SPOCK3: variants seen among roughly 807,000 people sequenced by gnomAD.
SPOCK3 encodes SPARC (osteonectin), cwcv and kazal like domains proteoglycan 3.
A neutral mutation model predicts 56.6 loss-of-function variants in SPOCK3; 30 were observed. The ratio of observed to expected loss-of-function variants is 0.53; its 90% CI spans 0.40 to 0.72. The LOEUF (loss-of-function observed/expected upper bound fraction) is 0.72, where lower values mean the gene tolerates loss of function less well. Among genes scored for constraint, SPOCK3 ranks in the 30% least tolerant of loss-of-function variants. The pLI is 0.00. For synonymous variants in SPOCK3, 196 were observed against 183.3 expected, an observed-to-expected ratio of 1.07 and a Z score of -0.56; for missense variants, 527 against 530.0, an observed-to-expected ratio of 0.99 and a Z score of 0.06.
intron 2 of SPOCK3, among the ~76,000 whole-genome samples, chr4:167,199,495 G>A (rs936107440): frequency 3.3e-5 from 5 of 151,816 alleles, no homozygotes; most frequent in African/African-American, 1.2e-4. Flanking sequence ...GAATTCTTAA[G>A]AGCCATTTTA....
chr4:166,787,245 G>T (rs1740824983), intron 7 of SPOCK3, among the ~76,000 whole-genome samples: 1 of 152,110 alleles, frequency 6.6e-6, no homozygotes, highest in African/African-American at 2.4e-5. Context: ...AAAAGACAAA[G>T]ATCTAAGTCA....
At position 167,015,475 on chromosome 4, in the gene SPOCK3, T is replaced by C. The variant is rs569914444; in HGVS notation, c.236-15012A>G. Among the ~76,000 whole-genome samples, 3 of 152,326 alleles carry C rather than the reference T, an allele frequency of 2.0e-5. No individual in the cohort carries two copies. The South Asian group carries it at 6.2e-4, about 32-fold the overall frequency. On this transcript the variant is annotated intron_variant, in intron 3 of 10. Transcript: ENST00000357545. ...ACAAATTAAAGCTTTGTAAATGTTT[T>C]TCAAATAATTTCTTCTTTCAGAAGA...
At chr4:167,160,906 A>T (rs1765245105) in intron 2 of SPOCK3, among the ~76,000 whole-genome samples, 1 of 152,212 alleles carries the variant, frequency 6.6e-6, no homozygotes, top group Non-Finnish European at 1.5e-5. Context: ...GGATTGATTA[A>T]AGACTTAAAT....
intron 6 of SPOCK3, among the ~76,000 whole-genome samples, chr4:166,879,122 G>C (rs1238120287): frequency 6.6e-6 from 1 of 152,078 alleles, no homozygotes; most frequent in Non-Finnish European, 1.5e-5. Context: ...TATATATGCA[G>C]AGTGTAGATG....
intron 4 of SPOCK3, among the ~76,000 whole-genome samples, chr4:166,982,722 C>T (rs1421230233): frequency 6.6e-6 from 1 of 152,064 alleles, no homozygotes; most frequent in African/African-American, 2.4e-5. Flanking sequence ...TTGAAAAGAA[C>T]TATACCTTTG....
chr4:167,052,040 T>C (rs1754267849), intron 3 of SPOCK3, among the ~76,000 whole-genome samples: 1 of 152,210 alleles, frequency 6.6e-6, no homozygotes, highest in Admixed American at 6.5e-5. Flanking sequence ...TCAAGCATTA[T>C]ATAGTAATCT....
chr4:166,880,660 C>T (rs1733594418), intron 6 of SPOCK3, among the ~76,000 whole-genome samples: 1 of 152,126 alleles, frequency 6.6e-6, no homozygotes, highest in Admixed American at 6.5e-5. Context: ...GTTTTATCAC[C>T]ATAATCTTCT....
chr4:166,950,390 C>T (rs1579766702), intron 4 of SPOCK3, among the ~76,000 whole-genome samples: 3 of 151,392 alleles, frequency 2.0e-5, no homozygotes, highest in South Asian at 4.1e-4. Flanking sequence ...AGCTAACTAT[C>T]CTAAATACAT....
At chr4:166,989,416 C>T (rs550910051) in intron 4 of SPOCK3, among the ~76,000 whole-genome samples, 1 of 152,162 alleles carries the variant, frequency 6.6e-6, no homozygotes, top group South Asian at 2.1e-4. Context: ...GCCTTAATAA[C>T]AGGCAAAATC....
intron 5 of SPOCK3, among the ~76,000 whole-genome samples, chr4:166,898,264 C>T (rs1306126907): frequency 2.0e-5 from 3 of 152,018 alleles, no homozygotes; most frequent in African/African-American, 7.2e-5. Flanking sequence ...TCCAATGGTG[C>T]TTTGGTTGGT....
chr4:166,916,108 T>C (rs77619370), intron 4 of SPOCK3, among the ~76,000 whole-genome samples: 3,436 of 152,192 alleles, frequency 0.023, 115 homozygotes, highest in African/African-American at 0.068. Flanking sequence ...CCTTAAGGAA[T>C]AAGAAATTGT....
chr4:166,760,887 G>A lies in SPOCK3; in HGVS notation c.710-6158C>T. 4.7e-5 allele frequency among the ~76,000 whole-genome samples: 2 copies of A among 42,584 alleles called. 1 individual carries two copies. 27.9% of individuals were successfully genotyped at this position (42,584 alleles called of 152,430 possible). A position where few individuals can be genotyped will look rare whatever the true frequency, so the allele number is the denominator to read the frequency against. On this transcript the variant is annotated intron_variant, in intron 7 of 10. Coordinates refer to ENST00000357545, the MANE Select transcript of SPOCK3 (RefSeq NM_001040159.2). Reference sequence around the variant, plus strand: ...AAGCAATGCAACAAAAGACAAAATTGACAAATGGGATCTAATTAAACTAAA... The same window carrying A: ...AAGCAATGCAACAAAAGACAAAATTAACAAATGGGATCTAATTAAACTAAA...
At chr4:167,102,314 A>T (rs1447386801) in intron 2 of SPOCK3, 1 of 152,182 alleles carries the variant, frequency 6.6e-6, no homozygotes, top group Admixed American at 6.5e-5. Flanking sequence ...GATGGGGCAG[A>T]CCAACATGGC....
At chr4:167,027,509 G>A (rs960036414) in intron 3 of SPOCK3, among the ~76,000 whole-genome samples, 1 of 151,764 alleles carries the variant, frequency 6.6e-6, no homozygotes, top group African/African-American at 2.4e-5. Flanking sequence ...TGTTGTTTTA[G>A]TTCTTTTGAT....
chr4:167,055,759 G>A (rs989784653), intron 3 of SPOCK3, among the ~76,000 whole-genome samples: 13 of 152,176 alleles, frequency 8.5e-5, no homozygotes, highest in East Asian at 1.9e-4. Context: ...GAGGGAGCCC[G>A]CCATTGCCCA....
chr4:166,945,785 C>T (rs1388321546), intron 4 of SPOCK3, among the ~76,000 whole-genome samples: 1 of 152,182 alleles, frequency 6.6e-6, no homozygotes, highest in African/African-American at 2.4e-5. Flanking sequence ...ACTGTTCAGG[C>T]TCCAAAACCT....
At chr4:166,796,130 C>T (rs1176431040) in intron 6 of SPOCK3, among the ~76,000 whole-genome samples, 1 of 152,162 alleles carries the variant, frequency 6.6e-6, no homozygotes, top group Non-Finnish European at 1.5e-5. Flanking sequence ...TGATCTTGCA[C>T]TTCCAGTCTC....
intron 2 of SPOCK3, among the ~76,000 whole-genome samples, chr4:167,142,451 A>G (rs1763615036): frequency 6.6e-6 from 1 of 152,052 alleles, no homozygotes; most frequent in Non-Finnish European, 1.5e-5. Context: ...CACGAGAAAA[A>G]AAAATCCATC....
intron 3 of SPOCK3, among the ~76,000 whole-genome samples, chr4:167,030,747 C>T (rs1238747710): frequency 6.6e-6 from 1 of 152,048 alleles, no homozygotes; most frequent in Non-Finnish European, 1.5e-5. Flanking sequence ...TGAATTCTTG[C>T]ACTTAACCCC....
Sources: allele counts gnomAD v4.1 joint callset (sites outside exome capture counted in the v4.1 genomes callset), GRCh38; gene constraint gnomAD v4.1.1; transcripts MANE v1.5; gene names NCBI Gene and HGNC (gene_info 2026-07-23, HGNC 2026-07-21).